NFATC2: variants seen among roughly 807,000 people sequenced by gnomAD.
The protein encoded by NFATC2 is nuclear factor of activated T cells 2, also known as nuclear factor of activated T-cells, cytoplasmic 2.
Under a neutral mutation model 87.3 loss-of-function variants are expected in NFATC2, and 22 were observed. That is an observed-to-expected ratio of 0.25 (90% CI 0.18 to 0.36). The LOEUF (loss-of-function observed/expected upper bound fraction) is 0.36, where lower values mean the gene tolerates loss of function less well. NFATC2 is among the 10% of genes least tolerant of loss of function. NFATC2 has a pLI of 1.00. For missense variants in NFATC2, 1,149 were observed against 1,259.1 expected, an observed-to-expected ratio of 0.91 and a Z score of 1.32; for synonymous variants, 565 against 542.2, an observed-to-expected ratio of 1.04 and a Z score of -0.58.
intron 1 of NFATC2, among the ~76,000 whole-genome samples, chr20:51,561,265 G>A (rs995477980): frequency 6.7e-6 from 1 of 149,852 alleles, no homozygotes; most frequent in African/African-American, 2.5e-5. Flanking sequence ...GTGTCATTGA[G>A]GTCTGCCGTG....
At chr20:51,423,990 C>A (rs1367137693) in intron 9 of NFATC2, among the ~76,000 whole-genome samples, 1 of 152,178 alleles carries the variant, frequency 6.6e-6, no homozygotes, top group Non-Finnish European at 1.5e-5. Context: ...GAGTCCACAT[C>A]ATTCGGGATG....
chr20:51,469,718 C>T (rs1988020676), intron 5 of NFATC2, among the ~76,000 whole-genome samples: 1 of 152,138 alleles, frequency 6.6e-6, no homozygotes, highest in Admixed American at 6.5e-5. Flanking sequence ...CATGTGCAGA[C>T]AGAGGCAGAG....
At chr20:51,478,074 T>C (rs1285050948) in intron 3 of NFATC2, among the ~76,000 whole-genome samples, 2 of 152,176 alleles carry the variant, frequency 1.3e-5, no homozygotes, top group East Asian at 3.9e-4. Flanking sequence ...CTAAAAGCCA[T>C]ACAAAGAGAG....
chr20:51,419,706 T>C (rs1333860935), intron 9 of NFATC2, among the ~76,000 whole-genome samples: 1 of 152,168 alleles, frequency 6.6e-6, no homozygotes, highest in Non-Finnish European at 1.5e-5. Context: ...AAGCACTAAC[T>C]GCTTTGGAAT....
intron 3 of NFATC2, among the ~76,000 whole-genome samples, chr20:51,508,922 G>T (rs1180123768): frequency 1.3e-5 from 2 of 152,050 alleles, no homozygotes; most frequent in Admixed American, 1.3e-4. Flanking sequence ...CCCAGCAGAG[G>T]GATCCTGCTG....
At chr20:51,496,245 A>G (rs572921179) in intron 3 of NFATC2, among the ~76,000 whole-genome samples, 3 of 152,148 alleles carry the variant, frequency 2.0e-5, no homozygotes, top group East Asian at 1.9e-4. Flanking sequence ...TAGAAATCCA[A>G]CTTGGTATGA....
rs1285961866 is a variant in NFATC2, at chr20:51,475,634, A to G, written c.1359T>C (p.Pro453=). The part of the protein sequence containing the change: ...VQLHGYMENK[P]LGLQIFIGTA... ...TCCCAATGAAGATCTGAAGTCCCAG[A>G]GGCTTGTTTTCCATGTAGCCATGGA... The change falls in exon 4 of 11, where the codon CCT becomes CCC. Residue 453 remains proline (P), a synonymous_variant. Coordinates refer to ENST00000371564, the MANE Select transcript of NFATC2 (RefSeq NM_012340.5). The G allele has an allele frequency of 6.2e-7, 1 of 1,614,014 alleles. No homozygotes were observed. Among genetic ancestry groups the G allele is most frequent in the Non-Finnish European group, 8.5e-7 (1 of 1,180,026 alleles).
intron 1 of NFATC2, among the ~76,000 whole-genome samples, chr20:51,534,950 T>C (rs1261490691): frequency 6.6e-6 from 1 of 152,218 alleles, no homozygotes; most frequent in Non-Finnish European, 1.5e-5. Context: ...TCTTTTTTAT[T>C]GCTGTGTACT....
At chr20:51,484,689 G>A (rs556009198) in intron 3 of NFATC2, among the ~76,000 whole-genome samples, 111 of 152,320 alleles carry the variant, frequency 7.3e-4, no homozygotes, top group African/African-American at 2.6e-3. Context: ...GGCCCACAGC[G>A]ACCATTGTGT....
chr20:51,477,996 T>C (rs1298891523), intron 3 of NFATC2, among the ~76,000 whole-genome samples: 1 of 152,162 alleles, frequency 6.6e-6, no homozygotes, highest in Non-Finnish European at 1.5e-5. Context: ...ACACAGAATG[T>C]TTCCATCATC....
intron 10 of NFATC2, among the ~76,000 whole-genome samples, chr20:51,397,124 C>T (rs1987278508): frequency 6.6e-6 from 1 of 152,200 alleles, no homozygotes; most frequent in South Asian, 2.1e-4. Context: ...AACTCCTGAC[C>T]TTGCCTCGGC....
chr20:51,491,165 T>C (rs1288740340), intron 3 of NFATC2, among the ~76,000 whole-genome samples: 1 of 152,032 alleles, frequency 6.6e-6, no homozygotes, highest in African/African-American at 2.4e-5. Flanking sequence ...GAAAATCATC[T>C]CCTGGCTCCA....
rs1468381952 is a variant in NFATC2 at position 51,480,544 on chromosome 20, G to A, written c.1333-4884C>T. Among the ~76,000 whole-genome samples the A allele has an allele frequency of 6.6e-6, 1 of 152,178 alleles. No individual in the cohort carries two copies. Among genetic ancestry groups the A allele is most frequent in the East Asian group, 1.9e-4 (1 of 5,178 alleles). ...TAGAATCCACCTGGCACTGGTGAGG[G>A]TCCCTTCCCCGCCTCCCCGGGTAAC... On this transcript the variant is annotated intron_variant, in intron 3 of 10. Coordinates refer to ENST00000371564, the MANE Select transcript of NFATC2 (RefSeq NM_012340.5). The surrounding 1 kb of genome is among the most constrained non-coding windows in gnomAD (Gnocchi z 4.2).
At chr20:51,465,414 A>C (rs1987586849) in intron 5 of NFATC2, among the ~76,000 whole-genome samples, 1 of 152,016 alleles carries the variant, frequency 6.6e-6, no homozygotes, top group African/African-American at 2.4e-5. Context: ...CATCATGTCA[A>C]CCTCCTACTT....
chr20:51,435,051 C>G, intron 8 of NFATC2, 137 bp downstream of exon 8: 2 of 1,076,324 alleles, frequency 1.9e-6, no homozygotes, highest in South Asian at 1.5e-5. Context: ...TGCTGTCTCA[C>G]AGATGATGCA....
At chr20:51,561,391 A>G (rs1183060266) in intron 1 of NFATC2, among the ~76,000 whole-genome samples, 3 of 146,330 alleles carry the variant, frequency 2.1e-5, no homozygotes, top group African/African-American at 8.2e-5. Flanking sequence ...GAAAGAAAGA[A>G]AGAGAGAGAA....
At chr20:51,551,232 A>G (rs1241467110) in intron 1 of NFATC2, among the ~76,000 whole-genome samples, 1 of 152,190 alleles carries the variant, frequency 6.6e-6, no homozygotes, top group East Asian at 1.9e-4. Context: ...GATAAATTAT[A>G]TCTTCACACC....
chr20:51,415,989 T>G (rs935883760), intron 9 of NFATC2, among the ~76,000 whole-genome samples: 1 of 152,000 alleles, frequency 6.6e-6, no homozygotes, highest in South Asian at 2.1e-4. Context: ...CTGCCAGGTG[T>G]GGTGACTCGT....
At chr20:51,561,030 C>T (rs2077016492) in intron 1 of NFATC2, among the ~76,000 whole-genome samples, 1 of 152,096 alleles carries the variant, frequency 6.6e-6, no homozygotes, top group Non-Finnish European at 1.5e-5. Context: ...ACATCAAACA[C>T]CCGGTTTCAG....
Sources: allele counts gnomAD v4.1 joint callset (sites outside exome capture counted in the v4.1 genomes callset), GRCh38; gene constraint gnomAD v4.1.1; non-coding constraint Gnocchi (gnomAD v3.1); transcripts MANE v1.5; gene names NCBI Gene and HGNC (gene_info 2026-07-23, HGNC 2026-07-21).